UBQLN1: variants seen among roughly 807,000 people sequenced by gnomAD.
UBQLN1 encodes ubiquilin-1.
Under a neutral mutation model 65.4 loss-of-function variants are expected in UBQLN1, and 13 were observed. The observed-to-expected ratio is 0.20, with a 90% confidence interval of 0.13 to 0.32. UBQLN1 has a LOEUF of 0.32. Ranked by LOEUF, UBQLN1 falls within the 10% of genes least tolerant of loss-of-function variation. The probability of loss-of-function intolerance (pLI) is 1.00; values close to 1 mark genes in which losing one functional copy is unlikely to be tolerated. For synonymous variants in UBQLN1, 267 were observed against 247.8 expected (o/e 1.08, Z -0.73); for missense variants, 561 against 724.0 (o/e 0.77, Z 2.58).
In UBQLN1 at chr9:83,684,121, T is replaced by C. The variant is rs374183232; in HGVS notation, c.333-1055A>G. On this transcript the variant is annotated intron_variant, in intron 2 of 10. Coordinates refer to ENST00000376395, the MANE Select transcript of UBQLN1 (RefSeq NM_013438.5). ...AGTTTTACTCTGGCCCTTGAAATTC[T>C]TGAAAACAATAAAAAGCGAGAGACT... Among the ~76,000 whole-genome samples, 63 of 152,286 alleles carry C rather than the reference T, an allele frequency of 4.1e-4. 1 individual carries two copies. The highest frequency in any genetic ancestry group is 1.5e-3 in the African/African-American group (62 of 41,574).
At chr9:83,693,012 T>C (rs560904270) in intron 1 of UBQLN1, among the ~76,000 whole-genome samples, 43 of 152,282 alleles carry the variant, frequency 2.8e-4, no homozygotes, top group Admixed American at 1.9e-3. Flanking sequence ...AAATGAAAGA[T>C]ACATGATAGA....
intron 6 of UBQLN1, among the ~76,000 whole-genome samples, chr9:83,675,791 T>C (rs1025593994): frequency 2.6e-5 from 4 of 152,198 alleles, no homozygotes; most frequent in Admixed American, 6.5e-5. Context: ...TCTCACTACA[T>C]ATCAGTATTA....
intron 2 of UBQLN1, among the ~76,000 whole-genome samples, chr9:83,683,690 A>G (rs1274069733): frequency 2.0e-5 from 3 of 152,116 alleles, no homozygotes; most frequent in Non-Finnish European, 2.9e-5. Flanking sequence ...AGGGAAGCCA[A>G]TGACCAGTTA....
chr9:83,661,861 A>G lies in UBQLN1; in HGVS notation c.1696T>C (p.Leu566=). ...AMGFLNREAN[L]QALIATGGDI... Reference sequence around the variant, plus strand: ...CCTCCTGTTGCTATTAGAGCTTGCAAGTTTGCTTCACGGTTCAAAAATCCC... The same window carrying G: ...CCTCCTGTTGCTATTAGAGCTTGCAGGTTTGCTTCACGGTTCAAAAATCCC... The change falls in exon 11 of 11, where the codon TTG becomes CTG. Residue 566 remains leucine, a synonymous_variant. Coordinates refer to ENST00000376395, the MANE Select transcript of UBQLN1 (RefSeq NM_013438.5). 6.2e-7 allele frequency: 1 copy of G among 1,614,082 alleles called. No individual in the cohort carries two copies. The highest frequency in any genetic ancestry group is 8.5e-7 in the Non-Finnish European group (1 of 1,179,968).
At chr9:83,669,403 G>T in intron 6 of UBQLN1, 76 bp from the exon 7 acceptor site, 2 of 1,336,456 alleles carry the variant, frequency 1.5e-6, no homozygotes, top group Non-Finnish European at 1.0e-6. Context: ...AATATAATAT[G>T]CACTGTGTTT....
intron 6 of UBQLN1, among the ~76,000 whole-genome samples, chr9:83,672,134 C>G (rs548772409): frequency 6.6e-6 from 1 of 152,306 alleles, no homozygotes; most frequent in East Asian, 1.9e-4. Flanking sequence ...AGAGTTAGGG[C>G]CTTGCTCTGG....
chr9:83,704,899 T>C (rs1832373070), intron 1 of UBQLN1, among the ~76,000 whole-genome samples: 1 of 151,820 alleles, frequency 6.6e-6, no homozygotes, highest in South Asian at 2.1e-4. Flanking sequence ...AATTTATAAT[T>C]TTAACATCAC....
intron 6 of UBQLN1, among the ~76,000 whole-genome samples, chr9:83,673,120 C>T (rs761332149): frequency 6.6e-6 from 1 of 152,040 alleles, no homozygotes; most frequent in Non-Finnish European, 1.5e-5. Context: ...ATCCCAGCTA[C>T]TGGGGAGGCT....
At chr9:83,669,136 T>C in intron 7 of UBQLN1, 49 bp downstream of exon 7, 3 of 1,569,754 alleles carry the variant, frequency 1.9e-6, no homozygotes, top group Admixed American at 2.2e-5. Flanking sequence ...AAGATTAGGT[T>C]ATTTTAATTC....
intron 6 of UBQLN1, among the ~76,000 whole-genome samples, chr9:83,675,408 C>T (rs941274305): frequency 6.6e-6 from 1 of 150,504 alleles, no homozygotes; most frequent in African/African-American, 2.5e-5. Context: ...GTCATTTTGA[C>T]AACTAAAATT....
Position 83,682,998 on chromosome 9 carries a change from T to C in UBQLN1, c.401A>G (p.Asn134Ser). The change falls in exon 3 of 11, where the codon AAT becomes AGT. Residue 134 changes from asparagine (N) to serine (S), a missense_variant. Physicochemically the swap from Asn to Ser is conservative, Grantham distance 46. This residue lies in a region of UBQLN1 where 87 missense variants were observed against 88.8 expected (regional missense o/e 0.98). Coordinates refer to ENST00000376395, the MANE Select transcript of UBQLN1 (RefSeq NM_013438.5). ...GSNVTTSSTP[N>S]SNSTSGSATS... ...AGCAGAACCAGATGTAGAGTTACTATTAGGAGTTGATGATGTAGTAACATT... is the reference window on the plus strand; with the variant it reads ...AGCAGAACCAGATGTAGAGTTACTACTAGGAGTTGATGATGTAGTAACATT... The C allele has an allele frequency of 6.2e-7, 1 of 1,612,668 alleles. No homozygotes were observed. The highest frequency in any genetic ancestry group is 8.5e-7 in the Non-Finnish European group (1 of 1,179,706).
chr9:83,662,928 T>C (rs1831583818), intron 10 of UBQLN1, among the ~76,000 whole-genome samples: 1 of 151,866 alleles, frequency 6.6e-6, no homozygotes, highest in Admixed American at 6.6e-5. Context: ...ATACAAAAAT[T>C]AGCCAGGTGT....
chr9:83,707,724 A>G lies in UBQLN1; in HGVS notation c.-45T>C. On this transcript the variant is annotated 5_prime_UTR_variant, in exon 1 of 11. Coordinates refer to ENST00000376395, the MANE Select transcript of UBQLN1 (RefSeq NM_013438.5). Reference sequence around the variant, plus strand: ...GCGGTGACTCAGGCAAGCAGGAGGGAGCAGGCGAGCAAGGAGGAGCCAGCA... The same window carrying G: ...GCGGTGACTCAGGCAAGCAGGAGGGGGCAGGCGAGCAAGGAGGAGCCAGCA... The G allele has an allele frequency of 1.3e-6, 2 of 1,510,580 alleles. No homozygotes were observed. The highest frequency in any genetic ancestry group is 1.8e-6 in the Non-Finnish European group (2 of 1,138,286). 93.6% of individuals were successfully genotyped at this position (1,510,580 alleles called of 1,614,324 possible). A position where few individuals can be genotyped will look rare whatever the true frequency, so the allele number is the denominator to read the frequency against.
chr9:83,705,335 G>A (rs889066475), intron 1 of UBQLN1, among the ~76,000 whole-genome samples: 1 of 145,532 alleles, frequency 6.9e-6, no homozygotes, highest in Non-Finnish European at 1.5e-5. Flanking sequence ...CCCTCTCCCA[G>A]GTTCAAGCGA....
chr9:83,696,637 T>C (rs1392822075), intron 1 of UBQLN1, among the ~76,000 whole-genome samples: 2 of 66,616 alleles, frequency 3.0e-5, no homozygotes, highest in East Asian at 1.4e-3. Flanking sequence ...AGATTCTGTC[T>C]AAAAAAGGAA....
chr9:83,699,184 T>C (rs1488504962), intron 1 of UBQLN1, among the ~76,000 whole-genome samples: 1 of 152,218 alleles, frequency 6.6e-6, no homozygotes, highest in Non-Finnish European at 1.5e-5. Context: ...GTAACAATTG[T>C]ACAACAATGT....
chr9:83,701,281 G>A (rs1832305673), intron 1 of UBQLN1, among the ~76,000 whole-genome samples: 1 of 151,926 alleles, frequency 6.6e-6, no homozygotes, highest in Admixed American at 6.6e-5. Flanking sequence ...TGATAAGAGT[G>A]GCATTATTTT....
intron 9 of UBQLN1, among the ~76,000 whole-genome samples, chr9:83,664,293 C>T (rs894581023): frequency 1.2e-4 from 19 of 152,070 alleles, no homozygotes; most frequent in Non-Finnish European, 2.6e-4. Flanking sequence ...CTGGTGCACA[C>T]CTGTAGTATC....
intron 6 of UBQLN1, among the ~76,000 whole-genome samples, chr9:83,676,493 T>C (rs138137643): frequency 3.3e-4 from 50 of 152,304 alleles, no homozygotes; most frequent in Non-Finnish European, 4.7e-4. Context: ...TCTCAAAAGA[T>C]TGTTAGTATC....
Sources: gnomAD v4.1 joint callset for allele counts (sites outside exome capture counted in the v4.1 genomes callset) on GRCh38, gnomAD v4.1.1 for gene constraint, gnomAD v4.1.1 regional missense constraint, MANE v1.5 for transcripts, NCBI Gene and HGNC (gene_info 2026-07-23, HGNC 2026-07-21) for gene names.